OCM: variants seen among roughly 807,000 people sequenced by gnomAD.
OCM encodes the protein oncomodulin, also known as oncomodulin-1.
In OCM, 18 loss-of-function variants were observed where a neutral mutation model predicts 14.1. The observed-to-expected ratio is 1.28, with a 90% CI of 0.88 to 1.89. The LOEUF (loss-of-function observed/expected upper bound fraction) is 1.89. Ranked by LOEUF, OCM falls within the 40% of genes most tolerant of loss-of-function variation. The pLI is 0.00. For synonymous variants in OCM, 48 were observed against 51.0 expected (o/e 0.94, Z 0.25); for missense variants, 140 against 137.6 (o/e 1.02, Z -0.09).
the OCM span, chr7:5,872,020 G>C: frequency 6.6e-6 from 1 of 152,262 alleles, no homozygotes; most frequent in East Asian, 1.9e-4. Context: ...CCGAGTAGCT[G>C]GAACTACAGA....
Position 5,886,209 on chromosome 7 carries a change from C to T in OCM, c.*120C>T. 7.7e-7 allele frequency: 1 copy of T among 1,293,590 alleles called. No individual in the cohort carries two copies. Among genetic ancestry groups the T allele is most frequent in the Non-Finnish European group, 1.1e-6 (1 of 916,380 alleles). The allele number at this position is 1,293,590 out of a possible 1,614,324, so 80.1% of individuals were successfully genotyped here. A position where few individuals can be genotyped will look rare whatever the true frequency, so the allele number is the denominator to read the frequency against. On this transcript the variant is annotated 3_prime_UTR_variant, in exon 4 of 4. Coordinates refer to ENST00000242104, the MANE Select transcript of OCM (RefSeq NM_001097622.2). Reference sequence around the variant, plus strand: ...TAATTTGTTAATTTTCCCTGAAAACCTTCTGCAGTTTGCTCATTGTTTTAG... The same window carrying T: ...TAATTTGTTAATTTTCCCTGAAAACTTTCTGCAGTTTGCTCATTGTTTTAG...
chr7:5,864,280 G>A, the OCM span, among the ~76,000 whole-genome samples: 2 of 151,482 alleles, frequency 1.3e-5, no homozygotes, highest in Non-Finnish European at 2.9e-5. Context: ...CCAGGAGGTT[G>A]AGGCTGCGGT....
chr7:5,866,371 A>G, the OCM span, among the ~76,000 whole-genome samples: 294 of 53,772 alleles, frequency 5.5e-3, 1 homozygote, highest in South Asian at 9.8e-3. Context: ...GGAGGAAGGG[A>G]GGGAGGAAAG....
At chr7:5,879,997 T>A (rs1436418571), upstream of OCM, 2 of 150,764 alleles carry the variant, frequency 1.3e-5, no homozygotes, top group Non-Finnish European at 2.9e-5. Context: ...CCAGACTCTT[T>A]TCTTCACTGC....
the OCM span, among the ~76,000 whole-genome samples, chr7:5,860,861 C>T: frequency 1.4e-5 from 2 of 147,110 alleles, no homozygotes; most frequent in African/African-American, 2.5e-5. Context: ...TATACATATA[C>T]ATATATATAT....
chr7:5,863,453 C>T, the OCM span, among the ~76,000 whole-genome samples: 194 of 151,442 alleles, frequency 1.3e-3, no homozygotes, highest in African/African-American at 4.3e-3. Flanking sequence ...CGTGGAGTGA[C>T]GTGCTTGAGA....
chr7:5,881,400 C>T (rs1407861009), intron 1 of OCM, among the ~76,000 whole-genome samples: 3 of 150,952 alleles, frequency 2.0e-5, no homozygotes, highest in Admixed American at 6.6e-5. Flanking sequence ...GGTGAGAGGA[C>T]TGTTTGAGCC....
the OCM span, among the ~76,000 whole-genome samples, chr7:5,861,150 G>A: frequency 2.6e-5 from 4 of 152,012 alleles, no homozygotes; most frequent in African/African-American, 2.4e-5. Context: ...AGTGCAGTGC[G>A]GTGGCTCACG....
At chr7:5,873,554 A>C in the OCM span, among the ~76,000 whole-genome samples, 2 of 151,994 alleles carry the variant, frequency 1.3e-5, no homozygotes, top group African/African-American at 4.8e-5. Flanking sequence ...CATGTGACCC[A>C]GGCTGGTCTC....
At chr7:5,868,099 A>T in the OCM span, among the ~76,000 whole-genome samples, 1 of 151,694 alleles carries the variant, frequency 6.6e-6, no homozygotes. Flanking sequence ...CTAATTTGCT[A>T]ATCCCATCCA....
chr7:5,885,130 A>AAT (rs941295864), intron 3 of OCM, among the ~76,000 whole-genome samples: 13 of 151,318 alleles, frequency 8.6e-5, no homozygotes, highest in African/African-American at 3.2e-4. Context: ...CAAAAGAAAA[A>AAT]AAAAAACATA....
the OCM span, among the ~76,000 whole-genome samples, chr7:5,870,615 T>G: frequency 1.3e-5 from 2 of 152,184 alleles, no homozygotes; most frequent in African/African-American, 2.4e-5. Context: ...CCATCTAATC[T>G]CTGAAATGTA....
chr7:5,879,887 T>C (rs149204146), upstream of OCM: 1 of 152,248 alleles, frequency 6.6e-6, no homozygotes, highest in East Asian at 1.9e-4. Flanking sequence ...GTCAGTAAGG[T>C]AGCAAAAACA....
At chr7:5,883,095 G>A (rs1202354530) in intron 2 of OCM, among the ~76,000 whole-genome samples, 1 of 152,146 alleles carries the variant, frequency 6.6e-6, no homozygotes, top group Non-Finnish European at 1.5e-5. Flanking sequence ...TCCTGCCTTG[G>A]CCTCCCAAAG....
chr7:5,872,217 G>A, the OCM span, among the ~76,000 whole-genome samples: 1 of 152,266 alleles, frequency 6.6e-6, no homozygotes, highest in East Asian at 1.9e-4. Flanking sequence ...TCTTATAGAC[G>A]GGGTCTGTGT....
the OCM span, among the ~76,000 whole-genome samples, chr7:5,866,299 C>A: frequency 6.9e-6 from 1 of 144,688 alleles, no homozygotes; most frequent in Admixed American, 7.1e-5. Context: ...GCACTCCAGC[C>A]TGGGCAACAG....
At chr7:5,879,061 C>G (rs942110278), upstream of OCM, among the ~76,000 whole-genome samples, 4 of 151,910 alleles carry the variant, frequency 2.6e-5, no homozygotes, top group Non-Finnish European at 5.9e-5. Context: ...ATTAGCCAGG[C>G]ATGGTGGTGT....
chr7:5,882,217 G>C (rs1174932826), intron 1 of OCM, among the ~76,000 whole-genome samples: 1 of 150,798 alleles, frequency 6.6e-6, no homozygotes, highest in Non-Finnish European at 1.5e-5. Context: ...AGCCTGTAAA[G>C]TGGGCCAGGG....
chr7:5,872,751 G>T, the OCM span, among the ~76,000 whole-genome samples: 1 of 152,088 alleles, frequency 6.6e-6, no homozygotes, highest in South Asian at 2.1e-4. Context: ...AGGCCGCAGG[G>T]TCCTCTGCCT....
Sources: allele counts gnomAD v4.1 joint callset (sites outside exome capture counted in the v4.1 genomes callset), GRCh38; gene constraint gnomAD v4.1.1; transcripts MANE v1.5; gene names NCBI Gene and HGNC (gene_info 2026-07-23, HGNC 2026-07-21).